Variants in KLHL3 observed in about 807,000 individuals in gnomAD.
KLHL3 encodes kelch like family member 3.
Under a neutral mutation model 70.5 loss-of-function variants are expected in KLHL3, and 19 were observed. The ratio of observed to expected loss-of-function variants is 0.27; its 90% CI spans 0.19 to 0.40. The LOEUF (loss-of-function observed/expected upper bound fraction) is 0.40. KLHL3 is among the 10% of genes least tolerant of loss of function. The pLI is 1.00. For missense variants in KLHL3, 512 were observed against 771.1 expected (o/e 0.66, Z 3.98); for synonymous variants, 258 against 290.3 (o/e 0.89, Z 1.13).
chr5:137,720,220 A>C (rs1344287738), intron 2 of KLHL3, among the ~76,000 whole-genome samples: 1 of 152,080 alleles, frequency 6.6e-6, no homozygotes, highest in Non-Finnish European at 1.5e-5. Flanking sequence ...GAATCACTTG[A>C]ACCCGGGAGG....
At chr5:137,691,651 C>T (rs1752325189) in intron 5 of KLHL3, among the ~76,000 whole-genome samples, 1 of 151,808 alleles carries the variant, frequency 6.6e-6, no homozygotes, top group South Asian at 2.1e-4. Flanking sequence ...CGCTCTGTCA[C>T]CCAGGCTGGA....
chr5:137,685,716 T>C (rs1752145729), intron 5 of KLHL3, among the ~76,000 whole-genome samples: 1 of 152,226 alleles, frequency 6.6e-6, no homozygotes, highest in African/African-American at 2.4e-5. Flanking sequence ...CTTGTTATGT[T>C]ACCCAGGCTG....
chr5:137,673,316 G>A (rs1751807867), intron 6 of KLHL3, among the ~76,000 whole-genome samples: 1 of 152,120 alleles, frequency 6.6e-6, no homozygotes, highest in East Asian at 1.9e-4. Flanking sequence ...AGCCCTGTAC[G>A]TAAGTGCCCT....
At chr5:137,625,706 G>C (rs763842867) in intron 14 of KLHL3, 47 bp downstream of exon 14, 1 of 1,608,110 alleles carries the variant, frequency 6.2e-7, no homozygotes, top group African/African-American at 1.3e-5. Context: ...CATTCCCCCA[G>C]TGTGTTGGAG....
intron 1 of KLHL3, chr5:137,721,138 T>C (rs1752988924): frequency 6.6e-6 from 1 of 152,544 alleles, no homozygotes; most frequent in African/African-American, 2.4e-5. Context: ...AGCAGGTTGA[T>C]GGAAAGCTTC....
intron 5 of KLHL3, among the ~76,000 whole-genome samples, chr5:137,681,687 G>A (rs1050579342): frequency 1.3e-5 from 2 of 151,986 alleles, no homozygotes; most frequent in African/African-American, 4.8e-5. Flanking sequence ...TGGAGAGTTA[G>A]CCCTTGAAGG....
intron 1 of KLHL3, among the ~76,000 whole-genome samples, chr5:137,726,699 G>A (rs1753090755): frequency 6.6e-6 from 1 of 152,020 alleles, no homozygotes; most frequent in Admixed American, 6.6e-5. Context: ...ACATGTGTCT[G>A]AGGACTCTGT....
chr5:137,658,951 T>C (rs1358262761), intron 7 of KLHL3, among the ~76,000 whole-genome samples: 5 of 152,148 alleles, frequency 3.3e-5, no homozygotes, highest in Non-Finnish European at 5.9e-5. Flanking sequence ...TCTTTATCTC[T>C]TATTCCAGAG....
Position 137,692,819 on chromosome 5 carries a change from TACACACACACACAC to T in KLHL3, c.364-386_364-373del, listed in dbSNP as rs3045645. The T allele has an allele frequency of 3.4e-3, 564 of 168,278 alleles. 3 individuals carry two copies. The highest frequency in any genetic ancestry group is 0.013 in the African/African-American group (524 of 39,634). 10.4% of individuals were successfully genotyped at this position (168,278 alleles called of 1,614,324 possible). A position where few individuals can be genotyped will look rare whatever the true frequency, so the allele number is the denominator to read the frequency against. ...AACCACACTTTGAGTAACAAAACTC[TACACACACACACAC>T]ACACACACACACACACACACAATGG... On this transcript the variant is annotated intron_variant, in intron 4 of 14. Transcript: ENST00000309755.
At chr5:137,675,948 C>T (rs1751874220) in intron 6 of KLHL3, among the ~76,000 whole-genome samples, 1 of 152,236 alleles carries the variant, frequency 6.6e-6, no homozygotes, top group South Asian at 2.1e-4. Context: ...CTGACTGGTT[C>T]ATCCCTTCCA....
At chr5:137,625,934 A>G in intron 13 of KLHL3, 38 bp from the exon 14 acceptor site, 1 of 1,613,410 alleles carries the variant, frequency 6.2e-7, no homozygotes, top group Non-Finnish European at 8.5e-7. Context: ...ACATCACAGC[A>G]GGTGCACTAA....
chr5:137,635,495 C>T (rs1750744775), intron 11 of KLHL3, among the ~76,000 whole-genome samples: 1 of 152,236 alleles, frequency 6.6e-6, no homozygotes, highest in African/African-American at 2.4e-5. Flanking sequence ...AATAGGTATT[C>T]TTCGAGGCAG....
chr5:137,719,661 G>A (rs1752959973), intron 2 of KLHL3, among the ~76,000 whole-genome samples: 1 of 152,234 alleles, frequency 6.6e-6, no homozygotes, highest in African/African-American at 2.4e-5. Context: ...CAGAGAGGAT[G>A]AGTATATTCA....
At chr5:137,693,210 T>C (rs988785149) in intron 4 of KLHL3, among the ~76,000 whole-genome samples, 9 of 152,122 alleles carry the variant, frequency 5.9e-5, no homozygotes, top group African/African-American at 2.2e-4. Flanking sequence ...TCCAAATCCC[T>C]CAGGACTCAG....
intron 8 of KLHL3, among the ~76,000 whole-genome samples, chr5:137,649,384 C>A (rs1389105794): frequency 6.6e-6 from 1 of 152,252 alleles, no homozygotes; most frequent in Non-Finnish European, 1.5e-5. Context: ...AGAAAGCCAG[C>A]ATGTCATGAG....
Position 137,698,268 on chromosome 5 carries a change from T to C in KLHL3, c.363+19A>G. Reference sequence around the variant, plus strand: ...CCTGAGTGTGCAATACACTGAGCTATTAGTGAGCCTGAGTTTACCTGGACA... The same window carrying C: ...CCTGAGTGTGCAATACACTGAGCTACTAGTGAGCCTGAGTTTACCTGGACA... On this transcript the variant is annotated intron_variant, in intron 4 of 14. Coordinates refer to ENST00000309755, the MANE Select transcript of KLHL3 (RefSeq NM_017415.3). 6.2e-7 allele frequency: 1 copy of C among 1,614,118 alleles called. No individual in the cohort carries two copies. Among genetic ancestry groups the C allele is most frequent in the Non-Finnish European group, 8.5e-7 (1 of 1,179,964 alleles).
At chr5:137,625,112 T>C (rs898600441) in intron 14 of KLHL3, among the ~76,000 whole-genome samples, 6 of 152,252 alleles carry the variant, frequency 3.9e-5, no homozygotes, top group African/African-American at 1.2e-4. Context: ...CCAAGGGTTG[T>C]TGAAAAGATG....
At chr5:137,632,593 C>T (rs939245677) in intron 12 of KLHL3, among the ~76,000 whole-genome samples, 1 of 152,094 alleles carries the variant, frequency 6.6e-6, no homozygotes, top group African/African-American at 2.4e-5. Context: ...GGGCATTGGC[C>T]TAGGCAAACA....
At chr5:137,673,461 AT>A (rs1463100675) in intron 6 of KLHL3, among the ~76,000 whole-genome samples, 6 of 152,040 alleles carry the variant, frequency 3.9e-5, no homozygotes, top group African/African-American at 1.5e-4. Flanking sequence ...TGAACTAGTG[AT>A]TTTGTGTGAC....
Sources: gnomAD v4.1 joint callset for allele counts (sites outside exome capture counted in the v4.1 genomes callset) on GRCh38, gnomAD v4.1.1 for gene constraint, MANE v1.5 for transcripts, NCBI Gene and HGNC (gene_info 2026-07-23, HGNC 2026-07-21) for gene names.